GRID1: variants seen among roughly 807,000 people sequenced by gnomAD.
The protein encoded by GRID1 is glutamate ionotropic receptor delta type subunit 1.
A neutral mutation model predicts 98.0 loss-of-function variants in GRID1; 28 were observed. The observed-to-expected ratio is 0.29, with a 90% CI of 0.21 to 0.39. The LOEUF is 0.39. Ranked by LOEUF, GRID1 falls within the 10% of genes least tolerant of loss-of-function variation. The probability of loss-of-function intolerance (pLI) is 1.00; values close to 1 mark genes in which losing one functional copy is unlikely to be tolerated. For missense variants in GRID1, 1,111 were observed against 1,340.5 expected, an observed-to-expected ratio of 0.83 and a Z score of 2.67; for synonymous variants, 553 against 538.5, an observed-to-expected ratio of 1.03 and a Z score of -0.37.
At chr10:86,066,165 T>G (rs143079348) in intron 4 of GRID1, among the ~76,000 whole-genome samples, 1 of 152,312 alleles carries the variant, frequency 6.6e-6, no homozygotes, top group Non-Finnish European at 1.5e-5. Flanking sequence ...GACTGAAATG[T>G]AAGACTCGAT....
chr10:86,159,055 G>A (rs867277209), intron 3 of GRID1, among the ~76,000 whole-genome samples: 9 of 151,952 alleles, frequency 5.9e-5, no homozygotes, highest in South Asian at 4.2e-4. Context: ...GACCATGCCC[G>A]GCTAATTTTT....
At chr10:85,917,564 C>G (rs1841638438) in intron 4 of GRID1, among the ~76,000 whole-genome samples, 1 of 152,214 alleles carries the variant, frequency 6.6e-6, no homozygotes, top group African/African-American at 2.4e-5. Context: ...ATCAGTGTAA[C>G]ACAAATATCT....
chr10:86,070,901 C>T (rs1375798307), intron 4 of GRID1, among the ~76,000 whole-genome samples: 2 of 152,156 alleles, frequency 1.3e-5, no homozygotes, highest in South Asian at 2.1e-4. Flanking sequence ...AGAACCACTG[C>T]ATGCACATCT....
At chr10:85,949,804 T>A (rs1427204063) in intron 4 of GRID1, among the ~76,000 whole-genome samples, 1 of 152,254 alleles carries the variant, frequency 6.6e-6, no homozygotes, top group Non-Finnish European at 1.5e-5. Context: ...CAAAAATGTC[T>A]AGTTGTTCCC....
At chr10:85,665,134 T>C (rs1192748475) in intron 12 of GRID1, among the ~76,000 whole-genome samples, 1 of 152,156 alleles carries the variant, frequency 6.6e-6, no homozygotes, top group Non-Finnish European at 1.5e-5. Flanking sequence ...GGGAACCAGG[T>C]GTGACTGATA....
At chr10:85,691,433 C>A (rs994941664) in intron 12 of GRID1, among the ~76,000 whole-genome samples, 2 of 152,128 alleles carry the variant, frequency 1.3e-5, no homozygotes, top group Non-Finnish European at 2.9e-5. Flanking sequence ...TCTCTTACCC[C>A]TCTGATTCCC....
intron 9 of GRID1, 81 bp downstream of exon 9, chr10:85,729,432 C>T: frequency 2.6e-6 from 2 of 766,728 alleles, no homozygotes; most frequent in Non-Finnish European, 4.6e-6. Context: ...TCTCCCCAAA[C>T]CCAGCATTAA....
Position 85,737,658 on chromosome 10 carries a change from AT to A in GRID1, c.1234-8045del, listed in dbSNP as rs1564575073. ...ACAGTAAAGCCAGATATATATATAT[AT>A]ATATATATATATATAAACATATATG... On this transcript the variant is annotated intron_variant, in intron 8 of 15. Coordinates refer to ENST00000327946, the MANE Select transcript of GRID1 (RefSeq NM_017551.3). Among the ~76,000 whole-genome samples the A allele has an allele frequency of 3.4e-4, 45 of 132,460 alleles. 5 individuals are homozygous for A. Among genetic ancestry groups the A allele is most frequent in the African/African-American group, 1.2e-3 (42 of 34,804 alleles). 86.9% of individuals were successfully genotyped at this position (132,460 alleles called of 152,430 possible). A position where few individuals can be genotyped will look rare whatever the true frequency, so the allele number is the denominator to read the frequency against.
chr10:86,296,788 TAC>T (rs1847598694), intron 2 of GRID1, among the ~76,000 whole-genome samples: 4 of 1,080 alleles, frequency 3.7e-3, no homozygotes, highest in Non-Finnish European at 0.012. Context: ...CATACACACA[TAC>T]ATACATACAT....
chr10:86,057,000 G>A (rs2003111), intron 4 of GRID1, among the ~76,000 whole-genome samples: 115,755 of 152,146 alleles, frequency 0.76, 44,207 homozygotes, highest in East Asian at 0.86. Context: ...CTTAGCGAAG[G>A]TGAAGTTCCT....
intron 4 of GRID1, among the ~76,000 whole-genome samples, chr10:85,933,285 TA>T (rs59704249): frequency 0.17 from 20,196 of 117,342 alleles, 1,599 homozygotes; most frequent in African/African-American, 0.23. Context: ...CTCTGTTCTT[TA>T]AAAAAAAAAA....
chr10:86,267,487 T>A (rs1847121767), intron 2 of GRID1, among the ~76,000 whole-genome samples: 1 of 152,208 alleles, frequency 6.6e-6, no homozygotes, highest in South Asian at 2.1e-4. Context: ...CCAGGAGCTT[T>A]TGTTCAGGAA....
At chr10:85,754,169 A>C (rs184345696) in intron 8 of GRID1, among the ~76,000 whole-genome samples, 1 of 152,314 alleles carries the variant, frequency 6.6e-6, no homozygotes, top group East Asian at 1.9e-4. Flanking sequence ...CTACCCAGAC[A>C]CTCAACAGAT....
chr10:85,882,830 C>T (rs1438138597), intron 5 of GRID1, among the ~76,000 whole-genome samples: 1 of 151,702 alleles, frequency 6.6e-6, no homozygotes, highest in Non-Finnish European at 1.5e-5. Flanking sequence ...AGATGATATG[C>T]CTTTTCTGTT....
chr10:86,291,646 T>A (rs565518352), intron 2 of GRID1, among the ~76,000 whole-genome samples: 2 of 152,336 alleles, frequency 1.3e-5, no homozygotes, highest in East Asian at 3.9e-4. Context: ...TCTCTGTTCA[T>A]CTCAGCTGGT....
intron 2 of GRID1, among the ~76,000 whole-genome samples, chr10:86,230,050 C>T (rs1846426189): frequency 6.6e-6 from 1 of 152,198 alleles, no homozygotes. Context: ...CCAGGTATCC[C>T]CAGCCCCTGC....
rs148582946 is a variant in GRID1 at position 86,177,367 on chromosome 10, GGA to G, written c.520+28995_520+28996del. Among the ~76,000 whole-genome samples the G allele has an allele frequency of 7.5e-4, 114 of 151,386 alleles. 1 individual carries two copies. In the Middle Eastern group the frequency reaches 0.01, roughly 14 times the overall value. ...CTTACTTCTCTGGAGGCTTCAGGCA[GGA>G]GAGAGAGAGAGAGAGACAGAGAGAG... On this transcript the variant is annotated intron_variant, in intron 3 of 15. Coordinates refer to ENST00000327946, the MANE Select transcript of GRID1 (RefSeq NM_017551.3).
At chr10:86,025,347 G>A (rs1414436551) in intron 4 of GRID1, among the ~76,000 whole-genome samples, 1 of 152,190 alleles carries the variant, frequency 6.6e-6, no homozygotes, top group Non-Finnish European at 1.5e-5. Flanking sequence ...AAACTATGCA[G>A]CTCAAGTGCA....
chr10:86,312,564 G>A lies in GRID1; in HGVS notation c.235+51377C>T, dbSNP rs938752828. Reference sequence around the variant, plus strand: ...TTAGACCCCAAGGGCCAGTGAAATAGGAAGCAGTGGGTGCCATGGAAGGAA... The same window carrying A: ...TTAGACCCCAAGGGCCAGTGAAATAAGAAGCAGTGGGTGCCATGGAAGGAA... On this transcript the variant is annotated intron_variant, in intron 2 of 15. Transcript: ENST00000327946. 1.1e-4 allele frequency among the ~76,000 whole-genome samples: 17 copies of A among 152,240 alleles called. 1 individual carries two copies. The highest frequency in any genetic ancestry group is 7.3e-5 in the Non-Finnish European group (5 of 68,040).
Sources: gnomAD v4.1 joint callset for allele counts (sites outside exome capture counted in the v4.1 genomes callset) on GRCh38, gnomAD v4.1.1 for gene constraint, MANE v1.5 for transcripts, NCBI Gene and HGNC (gene_info 2026-07-23, HGNC 2026-07-21) for gene names.